The following AGBL1 variants were observed in gnomAD, a reference collection of about 807,000 sequenced individuals.
AGBL1 encodes the protein AGBL carboxypeptidase 1, also known as cytosolic carboxypeptidase 4.
Under a neutral mutation model 118.9 loss-of-function variants are expected in AGBL1, and 130 were observed. The ratio of observed to expected loss-of-function variants is 1.09; its 90% CI spans 0.95 to 1.26. The LOEUF is 1.26. Ranked by LOEUF, AGBL1 falls within the 50% of genes most tolerant of loss-of-function variation. The probability of loss-of-function intolerance (pLI) is 0.00; values close to 1 mark genes in which losing one functional copy is unlikely to be tolerated. For synonymous variants in AGBL1, 555 were observed against 478.9 expected, an observed-to-expected ratio of 1.16 and a Z score of -2.08; for missense variants, 1,584 against 1,298.1, an observed-to-expected ratio of 1.22 and a Z score of -3.38.
At chr15:86,769,910 G>C (rs2078150431) in intron 22 of AGBL1, among the ~76,000 whole-genome samples, 1 of 151,860 alleles carries the variant, frequency 6.6e-6, no homozygotes, top group African/African-American at 2.4e-5. Flanking sequence ...AAGATGACTG[G>C]GTTCTAGTGC....
intron 17 of AGBL1, among the ~76,000 whole-genome samples, chr15:86,319,753 T>C (rs1391656412): frequency 4.7e-4 from 18 of 38,066 alleles, no homozygotes; most frequent in African/African-American, 1.4e-3. Flanking sequence ...GTTTTTTTTT[T>C]TTTTTTTTTT....
intron 21 of AGBL1, among the ~76,000 whole-genome samples, chr15:86,597,841 AG>A (rs2084433591): frequency 6.9e-6 from 1 of 144,898 alleles, no homozygotes; most frequent in African/African-American, 2.5e-5. Flanking sequence ...CTGGATAGAT[AG>A]AAGTGGGGCA....
At chr15:86,264,900 A>G (rs2079049547) in intron 11 of AGBL1, 62 bp downstream of exon 11, 3 of 1,404,764 alleles carry the variant, frequency 2.1e-6, no homozygotes, top group Non-Finnish European at 1.9e-6. Flanking sequence ...TATAAGTAAA[A>G]TGGTTTGTAC....
At chr15:86,217,191 T>C (rs755949580) in intron 5 of AGBL1, among the ~76,000 whole-genome samples, 110 of 152,248 alleles carry the variant, frequency 7.2e-4, no homozygotes, top group Non-Finnish European at 1.5e-3. Context: ...TATTGGCTAT[T>C]TCTTTCACTT....
At chr15:86,441,282 C>T (rs1002247100) in intron 18 of AGBL1, among the ~76,000 whole-genome samples, 5 of 152,072 alleles carry the variant, frequency 3.3e-5, no homozygotes, top group Admixed American at 6.5e-5. Context: ...TAGTGAAGTC[C>T]GAATCTTACT....
intron 22 of AGBL1, among the ~76,000 whole-genome samples, chr15:86,730,397 TAATC>T (rs1179477789): frequency 2.6e-5 from 4 of 152,232 alleles, no homozygotes; most frequent in East Asian, 1.9e-4. Flanking sequence ...GAAACTTAAA[TAATC>T]AAACAAGCAA....
At chr15:86,334,114 T>A (rs2080319182) in intron 17 of AGBL1, among the ~76,000 whole-genome samples, 1 of 152,132 alleles carries the variant, frequency 6.6e-6, no homozygotes, top group African/African-American at 2.4e-5. Flanking sequence ...TTCTGAGAAC[T>A]GGAACAAGAT....
chr15:86,970,756 G>C (rs2081099842), intron 23 of AGBL1, among the ~76,000 whole-genome samples: 1 of 152,074 alleles, frequency 6.6e-6, no homozygotes, highest in Admixed American at 6.6e-5. Context: ...TTGGATGGAA[G>C]TTAGCTGAAA....
intron 22 of AGBL1, among the ~76,000 whole-genome samples, chr15:86,731,475 G>A (rs370125223): frequency 2.0e-5 from 3 of 152,138 alleles, no homozygotes; most frequent in Admixed American, 2.0e-4. Context: ...TAAATATTCT[G>A]CAGTGGGATT....
chr15:86,389,132 T>G (rs1247521425), intron 17 of AGBL1, among the ~76,000 whole-genome samples: 1 of 152,048 alleles, frequency 6.6e-6, no homozygotes, highest in Non-Finnish European at 1.5e-5. Flanking sequence ...TCCTGGAAAC[T>G]TTAAGAGAAT....
In AGBL1 at chr15:86,233,695, A is replaced by G. The variant is rs541978616; in HGVS notation, c.526+8744A>G. 5.2e-5 allele frequency among the ~76,000 whole-genome samples: 8 copies of G among 152,392 alleles called. No individual in the cohort carries two copies. In the East Asian group the frequency reaches 1.3e-3, roughly 26 times the overall value. On this transcript the variant is annotated intron_variant, in intron 6 of 22. Transcript: ENST00000614907. Reference sequence around the variant, plus strand: ...GTTTGAAAATGTGTTAAATCTTACTATGCAGTGGCAAGAAGGAAGAACTAG... The same window carrying G: ...GTTTGAAAATGTGTTAAATCTTACTGTGCAGTGGCAAGAAGGAAGAACTAG...
At chr15:86,617,593 G>A (rs759706886) in intron 21 of AGBL1, among the ~76,000 whole-genome samples, 6 of 152,148 alleles carry the variant, frequency 3.9e-5, no homozygotes, top group Non-Finnish European at 7.4e-5. Context: ...ATATGGTATT[G>A]TCAAAACTGT....
At chr15:86,235,547 G>T (rs2078526696) in intron 6 of AGBL1, among the ~76,000 whole-genome samples, 1 of 152,158 alleles carries the variant, frequency 6.6e-6, no homozygotes, top group Admixed American at 6.5e-5. Flanking sequence ...AACATTTCAT[G>T]ACTCAGAAAG....
At chr15:86,866,043 A>G (rs1459680363) in intron 22 of AGBL1, among the ~76,000 whole-genome samples, 2 of 152,084 alleles carry the variant, frequency 1.3e-5, no homozygotes, top group Non-Finnish European at 2.9e-5. Flanking sequence ...CCTTCCCCCC[A>G]AGTTGCACTG....
chr15:86,250,615 A>AAGT (rs1482153029), intron 7 of AGBL1, among the ~76,000 whole-genome samples: 1 of 146,448 alleles, frequency 6.8e-6, no homozygotes, highest in East Asian at 2.0e-4. Flanking sequence ...TTTATGTGCA[A>AAGT]AGTCAGATGT....
intron 5 of AGBL1, among the ~76,000 whole-genome samples, chr15:86,174,381 C>T (rs745695324): frequency 7.9e-5 from 12 of 151,856 alleles, no homozygotes; most frequent in Non-Finnish European, 1.3e-4. Context: ...AATAAGATCA[C>T]GTTATATAAA....
At chr15:86,653,205 C>T (rs576426846) in intron 21 of AGBL1, among the ~76,000 whole-genome samples, 2 of 152,220 alleles carry the variant, frequency 1.3e-5, no homozygotes, top group South Asian at 4.2e-4. Flanking sequence ...CCCAGGGGAT[C>T]CTGATACACA....
intron 17 of AGBL1, among the ~76,000 whole-genome samples, chr15:86,353,902 G>T (rs1008369906): frequency 2.6e-5 from 4 of 152,200 alleles, no homozygotes; most frequent in African/African-American, 9.7e-5. Context: ...TAGTGGTGTG[G>T]TTATAATAAA....
At chr15:86,222,484 C>A (rs1250757504) in intron 5 of AGBL1, among the ~76,000 whole-genome samples, 1 of 152,114 alleles carries the variant, frequency 6.6e-6, no homozygotes, top group Non-Finnish European at 1.5e-5. Flanking sequence ...ATTTTTTGCT[C>A]ACAACTTCTC....
Sources: allele counts gnomAD v4.1 joint callset (sites outside exome capture counted in the v4.1 genomes callset), GRCh38; gene constraint gnomAD v4.1.1; transcripts MANE v1.5; gene names NCBI Gene and HGNC (gene_info 2026-07-23, HGNC 2026-07-21).